Variants in RBFOX3 observed in about 807,000 individuals in gnomAD.
RBFOX3 encodes the protein RNA binding fox-1 homolog 3.
A neutral mutation model predicts 48.7 loss-of-function variants in RBFOX3; 17 were observed. That is an observed-to-expected ratio of 0.35 (90% CI 0.24 to 0.52). RBFOX3 has a LOEUF of 0.52. RBFOX3 is among the 20% of genes least tolerant of loss of function. The pLI is 0.94. For synonymous variants in RBFOX3, 212 were observed against 209.5 expected (o/e 1.01, Z -0.10); for missense variants, 382 against 497.5 (o/e 0.77, Z 2.21).
chr17:79,144,012 A>G (rs1599651479), intron 4 of RBFOX3, among the ~76,000 whole-genome samples: 1 of 152,234 alleles, frequency 6.6e-6, no homozygotes, highest in African/African-American at 2.4e-5. Flanking sequence ...GGATGGTAAC[A>G]GGCCCCCGTG....
intron 5 of RBFOX3, among the ~76,000 whole-genome samples, chr17:79,115,253 A>T (rs2033562349): frequency 6.6e-6 from 1 of 152,204 alleles, no homozygotes; most frequent in South Asian, 2.1e-4. Context: ...CCATTCCTCC[A>T]GATGCCTGCT....
the RBFOX3 span, among the ~76,000 whole-genome samples, chr17:79,651,924 C>A: frequency 5.5e-5 from 8 of 144,392 alleles, no homozygotes; most frequent in Middle Eastern, 0.011. Context: ...TATGGAGAGG[C>A]TCACGTGCCG....
intron 3 of RBFOX3, among the ~76,000 whole-genome samples, chr17:79,280,446 C>T (rs2070130503): frequency 6.6e-6 from 1 of 152,174 alleles, no homozygotes; most frequent in South Asian, 2.1e-4. Context: ...GAATGTGAGG[C>T]CCACCCATCA....
intron 4 of RBFOX3, among the ~76,000 whole-genome samples, chr17:79,123,960 G>T (rs2036474535): frequency 6.6e-6 from 1 of 152,208 alleles, no homozygotes; most frequent in African/African-American, 2.4e-5. Context: ...CAAGGTGCCT[G>T]CCCAGGGTCA....
intron 3 of RBFOX3, among the ~76,000 whole-genome samples, chr17:79,236,874 C>T (rs1026432505): frequency 5.9e-5 from 9 of 152,284 alleles, no homozygotes; most frequent in South Asian, 2.1e-4. Context: ...GTATAGTGTG[C>T]TTTAAACAAA....
chr17:79,455,503 T>C (rs1030145609), intron 2 of RBFOX3, among the ~76,000 whole-genome samples: 1 of 151,848 alleles, frequency 6.6e-6, no homozygotes, highest in Admixed American at 6.5e-5. Context: ...CAGAGCCCCA[T>C]GGAGATGCCA....
intron 2 of RBFOX3, among the ~76,000 whole-genome samples, chr17:79,313,787 G>T (rs2077172018): frequency 6.6e-6 from 1 of 152,162 alleles, no homozygotes; most frequent in South Asian, 2.1e-4. Context: ...GGGGTGGGGG[G>T]CCGCTTGCTC....
intron 2 of RBFOX3, among the ~76,000 whole-genome samples, chr17:79,475,720 C>T (rs962125193): frequency 4.6e-5 from 7 of 152,254 alleles, no homozygotes; most frequent in South Asian, 4.2e-4. Flanking sequence ...AGGTCGTGCG[C>T]GACAGGATAC....
the RBFOX3 span, among the ~76,000 whole-genome samples, chr17:79,658,768 G>A: frequency 1.3e-5 from 2 of 152,100 alleles, no homozygotes; most frequent in Non-Finnish European, 1.5e-5. Context: ...CCCCTACTGT[G>A]TGCCAGGCAC....
At chr17:79,173,744 C>A (rs2049897168) in intron 4 of RBFOX3, among the ~76,000 whole-genome samples, 1 of 152,066 alleles carries the variant, frequency 6.6e-6, no homozygotes, top group African/African-American at 2.4e-5. Context: ...TCAGACTTTG[C>A]TGATTTTACC....
chr17:79,547,571 C>G (rs1432723417), intron 1 of RBFOX3, among the ~76,000 whole-genome samples: 1 of 152,186 alleles, frequency 6.6e-6, no homozygotes, highest in Non-Finnish European at 1.5e-5. Context: ...CTCCTCAGAA[C>G]TGGAGCTGAG....
chr17:79,284,970 G>A (rs2071520153), intron 3 of RBFOX3, among the ~76,000 whole-genome samples: 2 of 152,152 alleles, frequency 1.3e-5, no homozygotes, highest in South Asian at 2.1e-4. Flanking sequence ...AGTAGACCTC[G>A]CTTTGTAAAT....
At chr17:79,662,461 G>T in the RBFOX3 span, among the ~76,000 whole-genome samples, 1 of 152,040 alleles carries the variant, frequency 6.6e-6, no homozygotes, top group Admixed American at 6.5e-5. Context: ...GATGGATCCA[G>T]CACCACAGGT....
intron 1 of RBFOX3, among the ~76,000 whole-genome samples, chr17:79,564,356 G>A (rs2092374108): frequency 6.6e-6 from 1 of 152,098 alleles, no homozygotes; most frequent in Non-Finnish European, 1.5e-5. Context: ...GGTGTAGTGG[G>A]AACCTGCCTG....
chr17:79,112,167 T>G (rs564954624), intron 5 of RBFOX3, among the ~76,000 whole-genome samples: 1 of 152,088 alleles, frequency 6.6e-6, no homozygotes, highest in Non-Finnish European at 1.5e-5. Flanking sequence ...GGAAAGTCAC[T>G]GGGGGTGGTC....
chr17:79,171,998 A>C (rs1242875655), intron 4 of RBFOX3, among the ~76,000 whole-genome samples: 1 of 151,918 alleles, frequency 6.6e-6, no homozygotes, highest in Non-Finnish European at 1.5e-5. Context: ...ACATGGTGAA[A>C]TCCTGTCTGT....
At chr17:79,257,899 T>A (rs937995968) in intron 3 of RBFOX3, among the ~76,000 whole-genome samples, 3 of 151,832 alleles carry the variant, frequency 2.0e-5, no homozygotes, top group East Asian at 1.9e-4. Flanking sequence ...GCTTTTGTTT[T>A]GGGAAAAAAA....
chr17:79,193,300 C>T (rs2054896529), intron 4 of RBFOX3, among the ~76,000 whole-genome samples: 1 of 152,202 alleles, frequency 6.6e-6, no homozygotes, highest in South Asian at 2.1e-4. Flanking sequence ...TGCCTATTAA[C>T]AGAGAACCTG....
intron 3 of RBFOX3, among the ~76,000 whole-genome samples, chr17:79,280,990 G>A (rs2070329737): frequency 6.6e-6 from 1 of 152,140 alleles, no homozygotes; most frequent in Non-Finnish European, 1.5e-5. Flanking sequence ...GTGAGGACAG[G>A]GGATACTGAA....
Sources: gnomAD v4.1 joint callset for allele counts (sites outside exome capture counted in the v4.1 genomes callset) on GRCh38, gnomAD v4.1.1 for gene constraint, MANE v1.5 for transcripts, NCBI Gene and HGNC (gene_info 2026-07-23, HGNC 2026-07-21) for gene names.